Variants in UNC79 observed in about 807,000 individuals in gnomAD.
UNC79 encodes the protein unc-79 subunit of NALCN channel complex, also known as protein unc-79 homolog.
Under a neutral mutation model 283.1 loss-of-function variants are expected in UNC79, and 37 were observed. The observed-to-expected ratio is 0.13, with a 90% CI of 0.10 to 0.17. The LOEUF is 0.17. UNC79 is among the 10% of genes least tolerant of loss of function. The pLI, the probability that UNC79 is intolerant of heterozygous loss-of-function variation, is 1.00. For missense variants in UNC79, 2,272 were observed against 3,211.1 expected (o/e 0.71, Z 7.07); for synonymous variants, 1,107 against 1,200.2 (o/e 0.92, Z 1.61).
In UNC79 at chr14:93,688,442, AG is replaced by A. The variant is rs926800456; in HGVS notation, c.6910-219del. ...CAACACAGCTGGAGCTGCAGGCAGA[AG>A]GGGTAAGTTCTCAGTGGCTGGATCT... On this transcript the variant is annotated intron_variant, in intron 43 of 48. Coordinates refer to ENST00000555664, the Ensembl canonical transcript of UNC79. The surrounding 1 kb of genome is among the most constrained non-coding windows in gnomAD (Gnocchi z 4.0). Among the ~76,000 whole-genome samples the A allele has an allele frequency of 3.9e-5, 6 of 152,170 alleles. No homozygotes were observed. Among genetic ancestry groups the A allele is most frequent in the African/African-American group, 1.2e-4 (5 of 41,442 alleles).
rs2057298422 is a variant in UNC79, at chr14:93,467,919, GTC to G, written c.143+130_143+131del. On this transcript the variant is annotated intron_variant, in intron 2 of 48. Coordinates refer to ENST00000555664, the Ensembl canonical transcript of UNC79. ...TGTTTTCTAGTGCTCTGTCAGAAGA[GTC>G]TGTGCTCAAGTTCTCTGGGTGTATG... 12 of 1,186,764 alleles carry G rather than the reference GTC, an allele frequency of 1.0e-5. 1 individual carries two copies. The South Asian group carries it at 2.6e-4, about 26-fold the overall frequency. 73.5% of individuals were successfully genotyped at this position (1,186,764 alleles called of 1,614,324 possible).
intron 7 of UNC79, among the ~76,000 whole-genome samples, chr14:93,501,949 A>G (rs533979003): frequency 3.9e-5 from 6 of 152,364 alleles, no homozygotes; most frequent in African/African-American, 1.4e-4. Flanking sequence ...TTAACTTCAC[A>G]TATATGTGTA....
At chr14:93,341,575 C>G (rs1279190420) in intron 1 of UNC79, among the ~76,000 whole-genome samples, 1 of 146,038 alleles carries the variant, frequency 6.8e-6, no homozygotes, top group African/African-American at 2.6e-5. Context: ...GACCATCAGC[C>G]TAAGCAAAAT....
At chr14:93,575,349 C>T in intron 17 of UNC79, 151 bp downstream of exon 17, 1 of 866,588 alleles carries the variant, frequency 1.2e-6, no homozygotes, top group Non-Finnish European at 1.8e-6. Context: ...ATTAAATAGT[C>T]ACATTTGTTT....
At chr14:93,638,289 T>C (rs1294464296) in intron 32 of UNC79, among the ~76,000 whole-genome samples, 3 of 152,220 alleles carry the variant, frequency 2.0e-5, no homozygotes, top group Non-Finnish European at 2.9e-5. Flanking sequence ...TGGCAATGAA[T>C]AGCAGTTTTA....
chr14:93,549,116 T>C (rs2061746971), intron 14 of UNC79, among the ~76,000 whole-genome samples: 1 of 152,230 alleles, frequency 6.6e-6, no homozygotes, highest in African/African-American at 2.4e-5. Flanking sequence ...AATTAATGTG[T>C]TAATATTTTA....
chr14:93,535,549 T>C (rs2061028178), intron 11 of UNC79, among the ~76,000 whole-genome samples: 1 of 152,102 alleles, frequency 6.6e-6, no homozygotes, highest in Non-Finnish European at 1.5e-5. Flanking sequence ...AGATAGCTTG[T>C]CTCTGTTTGA....
At chr14:93,336,198 A>G (rs2053574946) in intron 1 of UNC79, among the ~76,000 whole-genome samples, 1 of 151,984 alleles carries the variant, frequency 6.6e-6, no homozygotes. Flanking sequence ...ATCTCCCCCT[A>G]TTTCTCTGCA....
At chr14:93,537,726 A>T (rs2061160616) in intron 11 of UNC79, among the ~76,000 whole-genome samples, 1 of 152,178 alleles carries the variant, frequency 6.6e-6, no homozygotes, top group South Asian at 2.1e-4. Flanking sequence ...TGGCTGAGGT[A>T]ACTTTACACA....
intron 24 of UNC79, among the ~76,000 whole-genome samples, chr14:93,598,551 T>G (rs2065261031): frequency 1.3e-5 from 2 of 152,202 alleles, no homozygotes; most frequent in Admixed American, 1.3e-4. Context: ...AGATAGAGTC[T>G]CATTTTCTTG....
chr14:93,518,311 T>C (rs1204871387), intron 7 of UNC79, among the ~76,000 whole-genome samples: 3 of 151,970 alleles, frequency 2.0e-5, no homozygotes, highest in Admixed American at 6.6e-5. Flanking sequence ...TATTGAGTTA[T>C]AGTGAGTTAT....
chr14:93,541,275 T>G (rs2061357692), intron 13 of UNC79, among the ~76,000 whole-genome samples: 1 of 152,214 alleles, frequency 6.6e-6, no homozygotes. Flanking sequence ...GTGTTTATGA[T>G]ATGTCTATGT....
At chr14:93,616,979 T>C in intron 27 of UNC79, 143 bp from the exon 29 acceptor site, 1 of 677,760 alleles carries the variant, frequency 1.5e-6, no homozygotes, top group Non-Finnish European at 2.3e-6. Context: ...GTACTAGCCA[T>C]TACTTTTAAT....
chr14:93,621,055 C>A lies in UNC79; in HGVS notation c.4388-566C>A, dbSNP rs1279422351. 1 of 503,082 alleles carries A rather than the reference C, an allele frequency of 2.0e-6. No individual in the cohort carries two copies. The highest frequency in any genetic ancestry group is 4.0e-6 in the Non-Finnish European group (1 of 251,852). 31.2% of individuals were successfully genotyped at this position (503,082 alleles called of 1,614,324 possible). On this transcript the variant is annotated intron_variant, in intron 29 of 48. Transcript: ENST00000555664. The surrounding 1 kb of genome is among the most constrained non-coding windows in gnomAD (Gnocchi z 4.8). Reference sequence around the variant, plus strand: ...ATGTTCAGAGAAGTATGAATTTTTTCTCTTAGTAATTTTATGCAGAAATGT... The same window carrying A: ...ATGTTCAGAGAAGTATGAATTTTTTATCTTAGTAATTTTATGCAGAAATGT...
chr14:93,657,351 A>AT (rs11322674), intron 38 of UNC79, among the ~76,000 whole-genome samples: 355 of 136,918 alleles, frequency 2.6e-3, no homozygotes, highest in African/African-American at 6.9e-3. Flanking sequence ...GGTATGGCAA[A>AT]TTTTTTTTTT....
Position 93,690,328 on chromosome 14 carries a change from A to G in UNC79, c.7272+25A>G. On this transcript the variant is annotated intron_variant, in intron 45 of 48. Coordinates refer to ENST00000555664, the Ensembl canonical transcript of UNC79. The surrounding 1 kb of genome is among the most constrained non-coding windows in gnomAD (Gnocchi z 4.3). ...GGTAAGTGATTTCTGCAAGATTAAG[A>G]CCGTATGCATCGCAATTGCTAATGG... 1.9e-6 allele frequency: 3 copies of G among 1,600,036 alleles called. No homozygotes were observed. Among genetic ancestry groups the G allele is most frequent in the East Asian group, 4.5e-5 (2 of 44,620 alleles).
intron 16 of UNC79, 136 bp from the exon 17 acceptor site, chr14:93,574,922 G>A: frequency 1.1e-6 from 1 of 928,906 alleles, no homozygotes; most frequent in Non-Finnish European, 1.6e-6. Context: ...GAGGATGACT[G>A]TGTTGATAGA....
intron 1 of UNC79, among the ~76,000 whole-genome samples, chr14:93,393,596 A>G (rs2054929026): frequency 6.6e-6 from 1 of 152,220 alleles, no homozygotes; most frequent in African/African-American, 2.4e-5. Context: ...CCTCAGAAAC[A>G]CAGTCAAGTG....
At position 93,540,842 on chromosome 14, in the gene UNC79, GA is replaced by G; in HGVS notation, c.1524+13del. The stretch of plus-strand genomic sequence containing the variant: ...GGAATATGGTTCTTAGTAAGAAAAA[GA>G]AGTTAACTATTCTCCACTTTCTTAT... On this transcript the variant is annotated intron_variant, in intron 13 of 48. Transcript: ENST00000555664. 6.2e-7 allele frequency: 1 copy of G among 1,611,038 alleles called. No individual in the cohort carries two copies.
Sources: gnomAD v4.1 joint callset for allele counts (sites outside exome capture counted in the v4.1 genomes callset) on GRCh38, gnomAD v4.1.1 for gene constraint, Gnocchi (gnomAD v3.1) non-coding constraint, MANE v1.5 for transcripts, NCBI Gene and HGNC (gene_info 2026-07-23, HGNC 2026-07-21) for gene names.